Variants in USP47 observed in about 807,000 individuals in gnomAD.
The protein encoded by USP47 is ubiquitin carboxyl-terminal hydrolase 47.
A neutral mutation model predicts 165.1 loss-of-function variants in USP47; 35 were observed. The ratio of observed to expected loss-of-function variants is 0.21; its 90% CI spans 0.16 to 0.28. The LOEUF (loss-of-function observed/expected upper bound fraction) is 0.28, where lower values mean the gene tolerates loss of function less well. USP47 is among the 10% of genes least tolerant of loss of function. The pLI, the probability that USP47 is intolerant of heterozygous loss-of-function variation, is 1.00. For missense variants in USP47, 1,277 were observed against 1,607.4 expected, an observed-to-expected ratio of 0.79 and a Z score of 3.52; for synonymous variants, 531 against 544.5, an observed-to-expected ratio of 0.98 and a Z score of 0.35.
intron 2 of USP47, among the ~76,000 whole-genome samples, chr11:11,881,763 T>G (rs1850846980): frequency 6.6e-6 from 1 of 152,172 alleles, no homozygotes; most frequent in Non-Finnish European, 1.5e-5. Flanking sequence ...CTAGGAATCC[T>G]TGATAGACAT....
chr11:11,883,486 TA>T (rs1337961522), intron 2 of USP47, among the ~76,000 whole-genome samples: 1 of 152,248 alleles, frequency 6.6e-6, no homozygotes, highest in East Asian at 1.9e-4. Context: ...CTCTTACAGT[TA>T]ATTTTTTTTG....
chr11:11,912,986 A>G (rs1220232554), intron 8 of USP47, among the ~76,000 whole-genome samples: 1 of 152,120 alleles, frequency 6.6e-6, no homozygotes, highest in Non-Finnish European at 1.5e-5. Flanking sequence ...TACTAGGAAT[A>G]GAGGGAAATT....
chr11:11,877,617 C>A (rs987496675), intron 1 of USP47, among the ~76,000 whole-genome samples: 2 of 152,034 alleles, frequency 1.3e-5, no homozygotes, highest in Non-Finnish European at 2.9e-5. Context: ...TATTATTAAT[C>A]CGTATACTAA....
In USP47 at chr11:11,903,291, A is replaced by G. The variant is rs375845247; in HGVS notation, c.768A>G (p.Leu256=). The G allele has an allele frequency of 3.2e-5, 52 of 1,612,830 alleles. No individual in the cohort carries two copies. In the African/African-American group the frequency reaches 3.6e-4, roughly 11 times the overall value. The part of the protein sequence containing the change: ...EAWQQHDVQE[L]CRVMFDALEQ... ...GGCAGCAGCATGATGTACAAGAACT[A>G]TGCAGAGTCATGTTTGATGCTTTGG... is the stretch of plus-strand genomic sequence containing the variant. Residue 256 remains leucine (L), a synonymous_variant, in exon 7 of 28, where the codon CTA becomes CTG. Transcript: ENST00000527733.
At position 11,929,443 on chromosome 11, in the gene USP47, A is replaced by G. The variant is rs1401164966; in HGVS notation, c.1396A>G (p.Ile466Val). Reference protein sequence around the residue: ...SKSGLEKNSLIYELFSVMVHS... With the variant: ...SKSGLEKNSLVYELFSVMVHS... ...TATTTTTTCCCCTTAGAATTCCTTG[A>G]TCTATGAACTTTTCTCTGTTATGGT... is the stretch of plus-strand genomic sequence containing the variant. Residue 466 changes from isoleucine to valine, a missense_variant, in exon 12 of 28, where the codon ATC (isoleucine) becomes GTC (valine). By Grantham distance (29) the Ile-to-Val change is conservative (BLOSUM62 3). Transcript: ENST00000527733. 4 of 1,612,450 alleles carry G rather than the reference A, an allele frequency of 2.5e-6. No individual in the cohort carries two copies. The highest frequency in any genetic ancestry group is 3.4e-6 in the Non-Finnish European group (4 of 1,179,070).
intron 1 of USP47, among the ~76,000 whole-genome samples, chr11:11,872,489 T>C (rs1199802097): frequency 2.0e-5 from 3 of 152,188 alleles, no homozygotes; most frequent in African/African-American, 7.2e-5. Context: ...AATTTGTGGA[T>C]ATGTTTTAAA....
At chr11:11,877,410 G>A (rs545171588) in intron 1 of USP47, among the ~76,000 whole-genome samples, 1 of 152,104 alleles carries the variant, frequency 6.6e-6, no homozygotes, top group African/African-American at 2.4e-5. Context: ...GAGCTTTAAA[G>A]AAGAGCAGAG....
intron 1 of USP47, among the ~76,000 whole-genome samples, chr11:11,865,504 C>T (rs1849621449): frequency 6.6e-6 from 1 of 151,664 alleles, no homozygotes; most frequent in South Asian, 2.1e-4. Flanking sequence ...TGTTTTTTTT[C>T]AGGCGTTTAG....
At chr11:11,925,324 G>A (rs1290058655) in intron 11 of USP47, among the ~76,000 whole-genome samples, 5 of 152,100 alleles carry the variant, frequency 3.3e-5, no homozygotes, top group Admixed American at 6.5e-5. Flanking sequence ...TAGCCATGAT[G>A]GTCTTGATCT....
At chr11:11,949,783 C>A in intron 22 of USP47, 106 bp from the exon 23 acceptor site, 1 of 691,870 alleles carries the variant, frequency 1.4e-6, no homozygotes, top group Non-Finnish European at 2.3e-6. Flanking sequence ...GAAACTCAGG[C>A]CCTTAATTGC....
chr11:11,921,079 A>C (rs895602175), intron 10 of USP47, among the ~76,000 whole-genome samples: 2 of 151,842 alleles, frequency 1.3e-5, no homozygotes, highest in African/African-American at 4.8e-5. Flanking sequence ...TGGCCTGCCA[A>C]AATTCTCTGG....
intron 1 of USP47, among the ~76,000 whole-genome samples, chr11:11,874,288 C>T (rs1336373964): frequency 6.6e-6 from 1 of 152,112 alleles, no homozygotes. Context: ...CTGGTCTAAC[C>T]TTTACTTAAT....
intron 1 of USP47, among the ~76,000 whole-genome samples, chr11:11,860,304 C>T (rs1028127506): frequency 1.3e-5 from 2 of 151,664 alleles, no homozygotes; most frequent in African/African-American, 4.8e-5. Context: ...ACTTTTAGGA[C>T]CCTGAGAGTG....
At chr11:11,931,753 T>A (rs962500987) in intron 14 of USP47, among the ~76,000 whole-genome samples, 3 of 147,022 alleles carry the variant, frequency 2.0e-5, no homozygotes, top group Admixed American at 6.7e-5. Flanking sequence ...TTTGATAAAA[T>A]TTTTTTCCCC....
At chr11:11,890,024 T>C (rs988612537) in intron 3 of USP47, among the ~76,000 whole-genome samples, 5 of 152,170 alleles carry the variant, frequency 3.3e-5, no homozygotes, top group African/African-American at 9.7e-5. Flanking sequence ...ACTGGACTCC[T>C]TCCTTACACC....
intron 1 of USP47, among the ~76,000 whole-genome samples, chr11:11,860,253 G>A (rs1031709467): frequency 2.0e-5 from 3 of 151,794 alleles, no homozygotes; most frequent in African/African-American, 7.3e-5. Context: ...GGGTTCAAGC[G>A]ATTCTCCTGC....
intron 2 of USP47, among the ~76,000 whole-genome samples, chr11:11,883,785 T>G (rs1564863525): frequency 6.6e-6 from 1 of 152,112 alleles, no homozygotes; most frequent in Non-Finnish European, 1.5e-5. Flanking sequence ...CCCTACCATA[T>G]AAGTTAGGTG....
At chr11:11,918,287 T>TA (rs1590374655) in intron 8 of USP47, among the ~76,000 whole-genome samples, 2 of 152,024 alleles carry the variant, frequency 1.3e-5, no homozygotes, top group Non-Finnish European at 2.9e-5. Flanking sequence ...ATATCAGTGT[T>TA]ATGAAAGAAA....
intron 1 of USP47, among the ~76,000 whole-genome samples, chr11:11,879,865 A>G (rs1046713488): frequency 1.3e-5 from 2 of 152,124 alleles, no homozygotes; most frequent in Non-Finnish European, 2.9e-5. Flanking sequence ...AAAATTGCTT[A>G]AATATTACTA....
Sources: gnomAD v4.1 joint callset for allele counts (sites outside exome capture counted in the v4.1 genomes callset) on GRCh38, gnomAD v4.1.1 for gene constraint, MANE v1.5 for transcripts, NCBI Gene and HGNC (gene_info 2026-07-23, HGNC 2026-07-21) for gene names.